Variants in CPED1 observed in about 807,000 individuals in gnomAD.
CPED1 encodes the protein cadherin like and PC-esterase domain containing 1, also known as cadherin-like and PC-esterase domain-containing protein 1.
Under a neutral mutation model 128.2 loss-of-function variants are expected in CPED1, and 114 were observed. The ratio of observed to expected loss-of-function variants is 0.89; its 90% CI spans 0.76 to 1.04. The LOEUF (loss-of-function observed/expected upper bound fraction) is 1.04, where lower values mean the gene tolerates loss of function less well. Ranked by LOEUF, CPED1 falls within the 50% of genes least tolerant of loss-of-function variation. CPED1 has a pLI of 0.00. For missense variants in CPED1, 1,211 were observed against 1,207.1 expected, an observed-to-expected ratio of 1.00 and a Z score of -0.05; for synonymous variants, 462 against 426.7, an observed-to-expected ratio of 1.08 and a Z score of -1.02.
At chr7:121,285,402 G>A (rs753028714) in intron 22 of CPED1, among the ~76,000 whole-genome samples, 6 of 152,294 alleles carry the variant, frequency 3.9e-5, no homozygotes, top group Admixed American at 6.5e-5. Flanking sequence ...CCTCATTACT[G>A]ATGCAAATTT....
chr7:121,127,503 T>C (rs1795533655), intron 10 of CPED1, among the ~76,000 whole-genome samples: 1 of 151,506 alleles, frequency 6.6e-6, no homozygotes, highest in Admixed American at 6.6e-5. Context: ...TAATTTCTTA[T>C]TTTTTCTTTT....
intron 16 of CPED1, among the ~76,000 whole-genome samples, chr7:121,158,831 C>T (rs921895442): frequency 3.9e-5 from 6 of 152,092 alleles, no homozygotes; most frequent in Non-Finnish European, 8.8e-5. Flanking sequence ...TCTTTAGACA[C>T]TTCCATGTGT....
At chr7:121,230,613 T>A (rs1798113274) in intron 16 of CPED1, among the ~76,000 whole-genome samples, 1 of 151,952 alleles carries the variant, frequency 6.6e-6, no homozygotes, top group South Asian at 2.1e-4. Flanking sequence ...CTCCACAAAG[T>A]TTTTGGCCTT....
At chr7:121,064,475 A>G (rs1054687790) in intron 5 of CPED1, among the ~76,000 whole-genome samples, 162 bp downstream of exon 5, 1 of 152,288 alleles carries the variant, frequency 6.6e-6, no homozygotes, top group East Asian at 1.9e-4. Context: ...CAATGAAAAG[A>G]CCTAAAGTGA....
In CPED1 at chr7:121,142,137, T is replaced by C; in HGVS notation, c.2051T>C (p.Val684Ala). The change falls in exon 16 of 23, where the codon GTG (valine) becomes GCG (alanine). Residue 684 changes from valine (V) to alanine (A), a missense_variant. Val to Ala is a moderately conservative substitution (Grantham distance 64, BLOSUM62 0). Coordinates refer to ENST00000310396, the MANE Select transcript of CPED1 (RefSeq NM_024913.5). ...GAGGCCTTCACAGCATGTGGTTTTGTGCAGGTAAGTGAAGTTTACATTTGC... is the reference window on the plus strand; with the variant it reads ...GAGGCCTTCACAGCATGTGGTTTTGCGCAGGTAAGTGAAGTTTACATTTGC... ...LFEAFTACGFVQDCGLLIHPE... is the reference protein window; with the variant it reads ...LFEAFTACGFAQDCGLLIHPE... The C allele has an allele frequency of 1.2e-6, 2 of 1,603,506 alleles. No individual in the cohort carries two copies. The highest frequency in any genetic ancestry group is 1.7e-6 in the Non-Finnish European group (2 of 1,172,606).
chr7:121,090,786 TA>T (rs1032062695), intron 5 of CPED1, among the ~76,000 whole-genome samples: 1 of 151,856 alleles, frequency 6.6e-6, no homozygotes, highest in Non-Finnish European at 1.5e-5. Context: ...CTGTCTCTAT[TA>T]AAAATACAAA....
chr7:121,137,900 C>A (rs1290623038), intron 14 of CPED1, among the ~76,000 whole-genome samples: 1 of 152,050 alleles, frequency 6.6e-6, no homozygotes, highest in Non-Finnish European at 1.5e-5. Context: ...AGCAACTTCG[C>A]CTCTTTGGGC....
chr7:121,250,217 A>G (rs1798638078), intron 18 of CPED1, among the ~76,000 whole-genome samples: 3 of 152,106 alleles, frequency 2.0e-5, no homozygotes, highest in South Asian at 2.1e-4. Context: ...GCTCCTGAAT[A>G]ACTACTGGGT....
chr7:121,018,784 C>T (rs1264066021), intron 3 of CPED1, among the ~76,000 whole-genome samples: 1 of 152,012 alleles, frequency 6.6e-6, no homozygotes, highest in Non-Finnish European at 1.5e-5. Flanking sequence ...ACATATTTAG[C>T]AATTTTCTGT....
chr7:120,997,358 T>C (rs916846570), intron 2 of CPED1, among the ~76,000 whole-genome samples: 1 of 152,202 alleles, frequency 6.6e-6, no homozygotes, highest in African/African-American at 2.4e-5. Context: ...AGTGGCTCTC[T>C]CAAAGTAACA....
chr7:121,192,428 G>C (rs938016981), intron 16 of CPED1, among the ~76,000 whole-genome samples: 1 of 152,112 alleles, frequency 6.6e-6, no homozygotes, highest in Non-Finnish European at 1.5e-5. Context: ...AAACACTTCT[G>C]GTTCCAAATA....
rs58389973 is a variant in CPED1 at position 121,189,799 on chromosome 7, A to ATATATATATATATATATAT, written c.2056-46915_2056-46914insTATATATATATATATATAT. 1.4e-3 allele frequency among the ~76,000 whole-genome samples: 45 copies of ATATATATATATATATATAT among 31,268 alleles called. 3 individuals carry two copies. The highest frequency in any genetic ancestry group is 9.1e-3 in the South Asian group (7 of 770). 20.5% of individuals were successfully genotyped at this position (31,268 alleles called of 152,430 possible). On this transcript the variant is annotated intron_variant, in intron 16 of 22. Coordinates refer to ENST00000310396, the MANE Select transcript of CPED1 (RefSeq NM_024913.5). ...ATATATATATATATATATATATATA[A>ATATATATATATATATATAT]AATTTGTATTTATTGCCTATTTTAT...
chr7:120,992,975 A>C (rs191648663), intron 2 of CPED1, among the ~76,000 whole-genome samples: 2 of 152,324 alleles, frequency 1.3e-5, no homozygotes, highest in East Asian at 3.9e-4. Flanking sequence ...TTCCATAGTG[A>C]GGAAGTACTC....
intron 2 of CPED1, among the ~76,000 whole-genome samples, chr7:121,005,331 G>A (rs2116776524): frequency 6.6e-6 from 1 of 152,248 alleles, no homozygotes; most frequent in African/African-American, 2.4e-5. Context: ...GTCTATCTTT[G>A]ATGGGCATTT....
chr7:121,130,455 A>T (rs1795634782), intron 12 of CPED1, among the ~76,000 whole-genome samples, 161 bp downstream of exon 12: 1 of 152,098 alleles, frequency 6.6e-6, no homozygotes, highest in African/African-American at 2.4e-5. Context: ...TTGAAACCAT[A>T]ATGATTCTAG....
At chr7:121,018,371 T>C (rs1792357962) in intron 3 of CPED1, among the ~76,000 whole-genome samples, 1 of 152,166 alleles carries the variant, frequency 6.6e-6, no homozygotes, top group Non-Finnish European at 1.5e-5. Context: ...ACCATGTGTA[T>C]ATCAACAGAG....
chr7:121,127,339 C>A, intron 10 of CPED1, 82 bp downstream of exon 10: 1 of 851,590 alleles, frequency 1.2e-6, no homozygotes, highest in Non-Finnish European at 1.8e-6. Flanking sequence ...TGCAATTCAG[C>A]AACTTGATAA....
chr7:121,073,582 C>T (rs911558302), intron 5 of CPED1, among the ~76,000 whole-genome samples: 2 of 152,182 alleles, frequency 1.3e-5, no homozygotes, highest in African/African-American at 4.8e-5. Context: ...AGGTCAAAAG[C>T]CGTATTGTGT....
intron 4 of CPED1, chr7:121,050,834 G>A: frequency 2.2e-6 from 1 of 464,918 alleles, no homozygotes. Context: ...CAGCGGCCAG[G>A]CAGCCCAGCT....
Sources: allele counts gnomAD v4.1 joint callset (sites outside exome capture counted in the v4.1 genomes callset), GRCh38; gene constraint gnomAD v4.1.1; transcripts MANE v1.5; gene names NCBI Gene and HGNC (gene_info 2026-07-23, HGNC 2026-07-21).